Variants in ICAM5 observed in about 807,000 individuals in gnomAD.
ICAM5 encodes the protein ICAM-5.
ICAM5 carries 38 observed loss-of-function variants against 78.8 expected under a neutral mutation model. The ratio of observed to expected loss-of-function variants is 0.48; its 90% CI spans 0.37 to 0.63. The LOEUF (loss-of-function observed/expected upper bound fraction) is 0.63, where lower values mean the gene tolerates loss of function less well. Ranked by LOEUF, ICAM5 falls within the 30% of genes least tolerant of loss-of-function variation. The pLI, the probability that ICAM5 is intolerant of heterozygous loss-of-function variation, is 0.00. For synonymous variants in ICAM5, 544 were observed against 590.9 expected, an observed-to-expected ratio of 0.92 and a Z score of 1.15; for missense variants, 1,059 against 1,303.0, an observed-to-expected ratio of 0.81 and a Z score of 2.88.
chr19:10,291,639 G>T lies in ICAM5; in HGVS notation c.503G>T (p.Ser168Ile), dbSNP rs1252133993. The T allele has an allele frequency of 1.2e-6, 2 of 1,611,668 alleles. No homozygotes were observed. The highest frequency in any genetic ancestry group is 1.7e-5 in the Admixed American group (1 of 59,950). ...LRGAQELIRR[S>I]FAGEPPRARG... is the part of the protein sequence containing the mutation. ...GGCGCCCAGGAGCTGATCCGCCGCAGCTTCGCCGGTGAACCACCCCGAGCG... is the reference window on the plus strand; with the variant it reads ...GGCGCCCAGGAGCTGATCCGCCGCATCTTCGCCGGTGAACCACCCCGAGCG... The change falls in exon 3 of 11, where the codon AGC becomes ATC. Residue 168 changes from serine (S) to isoleucine (I), a missense_variant. Around this residue, in one of 3 missense-constraint regions of ICAM5, gnomAD observed 815 missense variants for 952.8 expected, o/e 0.86. Transcript: ENST00000221980.
Position 10,296,764 on chromosome 19 carries a change from GT to G in ICAM5, c.*153del. On this transcript the variant is annotated 3_prime_UTR_variant, in exon 11 of 11. Coordinates refer to ENST00000221980, the MANE Select transcript of ICAM5 (RefSeq NM_003259.4). ...ATTTTCTACCCATCCCCTCAATAAA[GT>G]TTTTATAAAGGAACTCCCTGTCTCC... 1 of 668,904 alleles carries G rather than the reference GT, an allele frequency of 1.5e-6. No homozygotes were observed. Among genetic ancestry groups the G allele is most frequent in the Non-Finnish European group, 2.0e-6 (1 of 499,028 alleles). The allele number at this position is 668,904 out of a possible 1,614,324, so 41.4% of individuals were successfully genotyped here. A position where few individuals can be genotyped will look rare whatever the true frequency, so the allele number is the denominator to read the frequency against.
rs1418194489 is a variant in ICAM5 at position 10,290,559 on chromosome 19, C to G, written c.82+434C>G. On this transcript the variant is annotated intron_variant, in intron 1 of 10. Coordinates refer to ENST00000221980, the MANE Select transcript of ICAM5 (RefSeq NM_003259.4). This position sits in a 1 kb window ranked among gnomAD's most constrained non-coding sequence, Gnocchi z 5.7. ...CTGGCAACCGGGTCCCTCAGCTGTTCCCGCGGTTCCTTCCATGAGCCCAGC... is the reference window on the plus strand; with the variant it reads ...CTGGCAACCGGGTCCCTCAGCTGTTGCCGCGGTTCCTTCCATGAGCCCAGC... 4.9e-6 allele frequency: 1 copy of G among 206,150 alleles called. No homozygotes were observed. Among genetic ancestry groups the G allele is most frequent in the Non-Finnish European group, 9.7e-6 (1 of 103,016 alleles). 12.8% of individuals were successfully genotyped at this position (206,150 alleles called of 1,614,324 possible). A position where few individuals can be genotyped will look rare whatever the true frequency, so the allele number is the denominator to read the frequency against.
rs776654486 is a variant in ICAM5, at chr19:10,292,240, G to T, written c.879G>T (p.Glu293Asp). The change falls in exon 4 of 11, where the codon GAG becomes GAT. Residue 293 changes from glutamate to aspartate, a missense_variant. Glu to Asp is a conservative substitution (Grantham distance 45). Coordinates refer to ENST00000221980, the MANE Select transcript of ICAM5 (RefSeq NM_003259.4). ...VATATATASA[E>D]QEGARQLVCN... ...CTGCCACAGCCACAGCTAGCGCAGAGCAGGAGGGTGCCAGGCAGCTGGTCT... is the reference window on the plus strand; with the variant it reads ...CTGCCACAGCCACAGCTAGCGCAGATCAGGAGGGTGCCAGGCAGCTGGTCT... The T allele has an allele frequency of 1.8e-5, 29 of 1,612,932 alleles. No individual in the cohort carries two copies. In the East Asian group the frequency reaches 6.2e-4, roughly 35 times the overall value.
chr19:10,295,030 C>G (rs2040209066), intron 9 of ICAM5, among the ~76,000 whole-genome samples: 1 of 152,176 alleles, frequency 6.6e-6, no homozygotes, highest in Non-Finnish European at 1.5e-5. Context: ...GCACTCCAGC[C>G]TGGGCAACAG....
Position 10,296,655 on chromosome 19 carries a change from C to G in ICAM5, c.*39C>G, listed in dbSNP as rs1294650339. ...TCCCCGCGGGCCGGGGGACGCCCCC[C>G]AGACTCACACGGGGGCTTATTTATT... On this transcript the variant is annotated 3_prime_UTR_variant, in exon 11 of 11. Transcript: ENST00000221980. 1 of 1,204,336 alleles carries G rather than the reference C, an allele frequency of 8.3e-7. No homozygotes were observed. The highest frequency in any genetic ancestry group is 1.6e-5 in the African/African-American group (1 of 63,204). The allele number at this position is 1,204,336 out of a possible 1,614,324, so 74.6% of individuals were successfully genotyped here.
At position 10,290,076 on chromosome 19, in the gene ICAM5, G is replaced by A. The variant is rs566708553; in HGVS notation, c.33G>A (p.Ala11=). 9.7e-6 allele frequency: 15 copies of A among 1,542,978 alleles called. No individual in the cohort carries two copies. The Admixed American group carries it at 1.4e-4, about 14-fold the overall frequency. The change falls in exon 1 of 11, where the codon GCG becomes GCA. Residue 11 remains alanine (A), a synonymous_variant. Transcript: ENST00000221980. This position sits in a 1 kb window ranked among gnomAD's most constrained non-coding sequence, Gnocchi z 5.7. ...GGCCTTCGCCAGGGCTGCGCCGGGC[G>A]CTACTCGGCCTCTGGGCTGCTCTGG... MPGPSPGLRR[A]LLGLWAALGL... is the part of the protein sequence containing the mutation.
At position 10,290,283 on chromosome 19, in the gene ICAM5, A is replaced by T. The variant is rs2145026276; in HGVS notation, c.82+158A>T. 1.8e-6 allele frequency: 1 copy of T among 551,174 alleles called. No homozygotes were observed. The highest frequency in any genetic ancestry group is 3.3e-5 in the East Asian group (1 of 30,022). The allele number at this position is 551,174 out of a possible 1,614,324, so 34.1% of individuals were successfully genotyped here. On this transcript the variant is annotated intron_variant, in intron 1 of 10. Transcript: ENST00000221980. This position sits in a 1 kb window ranked among gnomAD's most constrained non-coding sequence, Gnocchi z 5.7. ...CTTCTCCCCTTCCCCCTCCTCCCCAACACACACCCGAGCCCCAGCTTCCTG... is the reference window on the plus strand; with the variant it reads ...CTTCTCCCCTTCCCCCTCCTCCCCATCACACACCCGAGCCCCAGCTTCCTG...
In ICAM5 at chr19:10,294,057, G is replaced by C; in HGVS notation, c.1729G>C (p.Glu577Gln). The C allele has an allele frequency of 1.3e-6, 2 of 1,580,776 alleles. No individual in the cohort carries two copies. Among genetic ancestry groups the C allele is most frequent in the Non-Finnish European group, 1.7e-6 (2 of 1,161,814 alleles). ...TTTCCCAGATGGCCCCAGGTTTGAG[G>C]AGCCGAGCTGCCCCAGCAATTGGAC... is the stretch of plus-strand genomic sequence containing the variant. ...VTVEYGPRFEEPSCPSNWTWV... is the reference protein window; with the variant it reads ...VTVEYGPRFEQPSCPSNWTWV... The change falls in exon 8 of 11, where the codon GAG becomes CAG. Residue 577 changes from glutamate (E) to glutamine (Q), a missense_variant. By Grantham distance (29) the Glu-to-Gln change is conservative. Transcript: ENST00000221980. This position sits in a 1 kb window ranked among gnomAD's most constrained non-coding sequence, Gnocchi z 7.7.
intron 4 of ICAM5, 69 bp from the exon 5 acceptor site, chr19:10,292,543 A>G: frequency 6.6e-7 from 1 of 1,512,050 alleles, no homozygotes; most frequent in Non-Finnish European, 8.9e-7. Context: ...ATTCGGGCAG[A>G]TAAGGGGCGG....
chr19:10,296,376 G>A lies in ICAM5; in HGVS notation c.2535G>A (p.Gly845=). Residue 845 remains glycine (G), a synonymous_variant, in exon 11 of 11, where the codon GGG becomes GGA. Transcript: ENST00000221980. ...WLWVAVGGAA[G]GAALLAAGAG... ...GGGTCGCCGTGGGCGGCGCGGCGGG[G>A]GGCGCGGCGCTGCTGGCCGCGGGGG... The A allele has an allele frequency of 1.6e-6, 2 of 1,256,536 alleles. No individual in the cohort carries two copies. The highest frequency in any genetic ancestry group is 2.0e-6 in the Non-Finnish European group (2 of 993,070). 77.8% of individuals were successfully genotyped at this position (1,256,536 alleles called of 1,614,324 possible). A position where few individuals can be genotyped will look rare whatever the true frequency, so the allele number is the denominator to read the frequency against.
At position 10,291,308 on chromosome 19, in the gene ICAM5, A is replaced by G. The variant is rs761753686; in HGVS notation, c.319A>G (p.Thr107Ala). The G allele has an allele frequency of 3.1e-6, 5 of 1,612,226 alleles. No homozygotes were observed. In the African/African-American group the frequency reaches 5.3e-5, roughly 17 times the overall value. Residue 107 changes from threonine to alanine, a missense_variant, in exon 2 of 11, where the codon ACA (threonine) becomes GCA (alanine). Thr to Ala is a moderately conservative substitution (Grantham distance 58). Around this residue, in one of 3 missense-constraint regions of ICAM5, gnomAD observed 815 missense variants for 952.8 expected, o/e 0.86. Transcript: ENST00000221980. ...CTGCTTCTTCCGCTGCGCGCGGCGC[A>G]CACTACAGGCGCGTGGGCTCATTCG... Reference protein sequence around the residue: ...PVCFFRCARRTLQARGLIRTF... With the variant: ...PVCFFRCARRALQARGLIRTF...
chr19:10,296,028 G>A (rs1215814761), intron 10 of ICAM5, among the ~76,000 whole-genome samples: 1 of 152,078 alleles, frequency 6.6e-6, no homozygotes, highest in African/African-American at 2.4e-5. Flanking sequence ...GTTCTCTCTG[G>A]GGTCGGGGGA....
At position 10,296,498 on chromosome 19, in the gene ICAM5, G is replaced by T; in HGVS notation, c.2657G>T (p.Gly886Val). ...TCAGGCGAGGCCGTGTGTCTGAACG[G>T]AGCGGGCGGCGGCGCTGGCGGGGCG... ...ESSGEAVCLN[G>V]AGGGAGGAAG... Residue 886 changes from glycine (G) to valine (V), a missense_variant, in exon 11 of 11, where the codon GGA becomes GTA. By Grantham distance (109) the Gly-to-Val change is moderately radical (BLOSUM62 -3). Around this residue, in one of 3 missense-constraint regions of ICAM5, gnomAD observed 109 missense variants for 120.0 expected, o/e 0.91. Transcript: ENST00000221980. The T allele has an allele frequency of 8.1e-7, 1 of 1,241,148 alleles. No individual in the cohort carries two copies. The highest frequency in any genetic ancestry group is 1.0e-6 in the Non-Finnish European group (1 of 975,916). 76.9% of individuals were successfully genotyped at this position (1,241,148 alleles called of 1,614,324 possible).
rs1478355717 is a variant in ICAM5, at chr19:10,294,219, G to A, written c.1891G>A (p.Ala631Thr). ...PLAPPDPSPRAPRIPRVLAPG... is the reference protein window; with the variant it reads ...PLAPPDPSPRTPRIPRVLAPG... Reference sequence around the variant, plus strand: ...GGCACCCCCAGACCCTAGTCCCAGAGCTCCCAGAATCCCTAGAGTCCTGGC... The same window carrying A: ...GGCACCCCCAGACCCTAGTCCCAGAACTCCCAGAATCCCTAGAGTCCTGGC... Residue 631 changes from alanine (A) to threonine (T), a missense_variant, in exon 8 of 11, where the codon GCT becomes ACT. Ala to Thr is a moderately conservative substitution (Grantham distance 58). Transcript: ENST00000221980. The surrounding 1 kb of genome is among the most constrained non-coding windows in gnomAD (Gnocchi z 7.7). 6.2e-7 allele frequency: 1 copy of A among 1,614,038 alleles called. No homozygotes were observed. The highest frequency in any genetic ancestry group is 1.7e-5 in the Admixed American group (1 of 60,014).
In ICAM5 at chr19:10,294,778, A is replaced by G; in HGVS notation, c.2230+138A>G. 1 of 1,364,222 alleles carries G rather than the reference A, an allele frequency of 7.3e-7. No individual in the cohort carries two copies. The highest frequency in any genetic ancestry group is 9.9e-7 in the Non-Finnish European group (1 of 1,006,878). The allele number at this position is 1,364,222 out of a possible 1,614,324, so 84.5% of individuals were successfully genotyped here. On this transcript the variant is annotated intron_variant, in intron 9 of 10. Coordinates refer to ENST00000221980, the MANE Select transcript of ICAM5 (RefSeq NM_003259.4). This position sits in a 1 kb window ranked among gnomAD's most constrained non-coding sequence, Gnocchi z 7.7. ...CCAGCCTAAACCAGGGGGTAATGAAAATTCTAGCCAGGCGCAGTGGCTCAG... is the reference window on the plus strand; with the variant it reads ...CCAGCCTAAACCAGGGGGTAATGAAGATTCTAGCCAGGCGCAGTGGCTCAG...
rs1194500427 is a variant in ICAM5, at chr19:10,294,989, A to C, written c.2230+349A>C. Among the ~76,000 whole-genome samples, 1 of 152,254 alleles carries C rather than the reference A, an allele frequency of 6.6e-6. No individual in the cohort carries two copies. The highest frequency in any genetic ancestry group is 6.5e-5 in the Admixed American group (1 of 15,282). ...GGAGAATCGCTTGAGCCTGGGAGGC[A>C]GAGGTTGCAGGGAGCCGAGATCCCG... On this transcript the variant is annotated intron_variant, in intron 9 of 10. Transcript: ENST00000221980. This position sits in a 1 kb window ranked among gnomAD's most constrained non-coding sequence, Gnocchi z 7.7.
chr19:10,295,326 T>TAG lies in ICAM5; in HGVS notation c.2231-20_2231-19insAG, dbSNP rs1445508471. On this transcript the variant is annotated intron_variant, in intron 9 of 10. Transcript: ENST00000221980. The stretch of plus-strand genomic sequence containing the variant: ...GGCTGGGCCGGCGCTAAGCCCCACT[T>TAG]CACCTTCTGTGCCCTTCAGACCGGC... 2 of 1,510,306 alleles carry TAG rather than the reference T, an allele frequency of 1.3e-6. No individual in the cohort carries two copies. Among genetic ancestry groups the TAG allele is most frequent in the Non-Finnish European group, 1.8e-6 (2 of 1,135,490 alleles). 93.6% of individuals were successfully genotyped at this position (1,510,306 alleles called of 1,614,324 possible).
In ICAM5 at chr19:10,294,324, C is replaced by G. The variant is rs1351970450; in HGVS notation, c.1990+6C>G. ...AGTCGTCGTGAGCGCGGAGTGTGAG[C>G]GAGGCCCAGGCGGGTAGGGAGCAGG... On this transcript the variant is annotated splice_donor_region_variant and intron_variant, in intron 8 of 10. Coordinates refer to ENST00000221980, the MANE Select transcript of ICAM5 (RefSeq NM_003259.4). This position sits in a 1 kb window ranked among gnomAD's most constrained non-coding sequence, Gnocchi z 7.7. 6.2e-7 allele frequency: 1 copy of G among 1,612,294 alleles called. No homozygotes were observed. The highest frequency in any genetic ancestry group is 8.5e-7 in the Non-Finnish European group (1 of 1,179,308).
chr19:10,293,580 G>C lies in ICAM5; in HGVS notation c.1466-118G>C. On this transcript the variant is annotated intron_variant, in intron 6 of 10. Transcript: ENST00000221980. The surrounding 1 kb of genome is among the most constrained non-coding windows in gnomAD (Gnocchi z 5.0). ...GACTAGCGTGACACCTCCTTGGATC[G>C]GCGTCCAAGGGTTATGCAGGGACAA... 7.3e-7 allele frequency: 1 copy of C among 1,362,706 alleles called. No individual in the cohort carries two copies. The highest frequency in any genetic ancestry group is 1.4e-5 in the South Asian group (1 of 72,844). 84.4% of individuals were successfully genotyped at this position (1,362,706 alleles called of 1,614,324 possible). A position where few individuals can be genotyped will look rare whatever the true frequency, so the allele number is the denominator to read the frequency against.
Sources: gnomAD v4.1 joint callset for allele counts (sites outside exome capture counted in the v4.1 genomes callset) on GRCh38, gnomAD v4.1.1 for gene constraint, gnomAD v4.1.1 regional missense constraint, Gnocchi (gnomAD v3.1) non-coding constraint, MANE v1.5 for transcripts, NCBI Gene and HGNC (gene_info 2026-07-23, HGNC 2026-07-21) for gene names.